The following TACC1 variants were observed in gnomAD, a reference collection of about 807,000 sequenced individuals.
TACC1 encodes transforming acidic coiled-coil-containing protein 1.
In TACC1, 48 loss-of-function variants were observed where a neutral mutation model predicts 84.4. The ratio of observed to expected loss-of-function variants is 0.57; its 90% CI spans 0.45 to 0.72. The LOEUF (loss-of-function observed/expected upper bound fraction) is 0.72. Among genes scored for constraint, TACC1 ranks in the 30% least tolerant of loss-of-function variants. TACC1 has a pLI of 0.00. For missense variants in TACC1, 920 were observed against 973.0 expected (o/e 0.95, Z 0.72); for synonymous variants, 372 against 376.3 (o/e 0.99, Z 0.13).
chr8:38,843,915 T>C (rs1022004048), intron 11 of TACC1, among the ~76,000 whole-genome samples: 1 of 152,212 alleles, frequency 6.6e-6, no homozygotes, highest in Non-Finnish European at 1.5e-5. Flanking sequence ...CTGTGAGTTA[T>C]CTTTATGATC....
In TACC1 at chr8:38,788,836, AT is replaced by A; in HGVS notation, c.277+22del. 6.4e-7 allele frequency: 1 copy of A among 1,570,772 alleles called. No individual in the cohort carries two copies. Among genetic ancestry groups the A allele is most frequent in the African/African-American group, 1.4e-5 (1 of 73,282 alleles). On this transcript the variant is annotated intron_variant, in intron 2 of 12. Transcript: ENST00000317827. The stretch of plus-strand genomic sequence containing the variant: ...AAAGCCAAGGTAAAGAAAAACTTGC[AT>A]TTTTCCTGCCTGTTTTGTTTCAAAA...
At chr8:38,804,870 T>G (rs1822309931) in intron 2 of TACC1, among the ~76,000 whole-genome samples, 1 of 152,204 alleles carries the variant, frequency 6.6e-6, no homozygotes. Context: ...CCCAACTGTC[T>G]ACAGTTTATG....
chr8:38,786,883 G>A (rs1052006290), upstream of TACC1, among the ~76,000 whole-genome samples: 1 of 151,768 alleles, frequency 6.6e-6, no homozygotes, highest in African/African-American at 2.4e-5. Context: ...CACCATCGCC[G>A]TGAAGTCACA....
chr8:38,729,591 G>C (rs575901707), intron 1 of TACC1, among the ~76,000 whole-genome samples: 1 of 152,134 alleles, frequency 6.6e-6, no homozygotes, highest in African/African-American at 2.4e-5. Context: ...TTGTGTGGCC[G>C]GGCGCGGTGG....
chr8:38,731,770 A>AACAACAACAAC (rs1241709345), intron 1 of TACC1, among the ~76,000 whole-genome samples: 2 of 107,060 alleles, frequency 1.9e-5, no homozygotes, highest in African/African-American at 6.6e-5. Flanking sequence ...ACAACAACAA[A>AACAACAACAAC]ACTAGTCTTT....
At chr8:38,824,257 G>A (rs1036367377) in intron 3 of TACC1, among the ~76,000 whole-genome samples, 3 of 152,208 alleles carry the variant, frequency 2.0e-5, no homozygotes. Flanking sequence ...GCACTCCCTG[G>A]CTTGGCAGGT....
chr8:38,849,543 A>G lies in TACC1; in HGVS notation c.*1520A>G, dbSNP rs937856423. 2.6e-5 allele frequency: 4 copies of G among 152,224 alleles called. No individual in the cohort carries two copies. The highest frequency in any genetic ancestry group is 5.9e-5 in the Non-Finnish European group (4 of 68,036). 9.4% of individuals were successfully genotyped at this position (152,224 alleles called of 1,614,324 possible). ...TCTTGTAAAACTGTTGCATGATCCA[A>G]CTTCAGCAATGAATTGTGCCTAGTG... On this transcript the variant is annotated 3_prime_UTR_variant, in exon 13 of 13. Coordinates refer to ENST00000317827, the MANE Select transcript of TACC1 (RefSeq NM_006283.3).
intron 1 of TACC1, among the ~76,000 whole-genome samples, chr8:38,734,606 G>C (rs1412578233): frequency 6.6e-6 from 1 of 152,218 alleles, no homozygotes; most frequent in African/African-American, 2.4e-5. Flanking sequence ...GGAGGGCTTG[G>C]TATGTTTATT....
intron 6 of TACC1, among the ~76,000 whole-genome samples, chr8:38,834,286 G>A (rs746490537): frequency 2.0e-5 from 3 of 152,330 alleles, no homozygotes; most frequent in Non-Finnish European, 2.9e-5. Context: ...CAGAGACATC[G>A]GCTCCTTGCC....
At position 38,790,786 on chromosome 8, in the gene TACC1, A is replaced by G. The variant is rs77224752; in HGVS notation, c.277+1967A>G. On this transcript the variant is annotated intron_variant, in intron 2 of 12. Transcript: ENST00000317827. ...TGATAGCTCCATGCTGTGCTTACCCAGCTGAGAATTCAGCAATACCCTCAA... is the reference window on the plus strand; with the variant it reads ...TGATAGCTCCATGCTGTGCTTACCCGGCTGAGAATTCAGCAATACCCTCAA... Among the ~76,000 whole-genome samples the G allele has an allele frequency of 2.2e-3, 332 of 152,350 alleles. 12 individuals carry two copies. In the East Asian group the frequency reaches 0.058, roughly 27 times the overall value.
chr8:38,777,859 T>TGA (rs1362113117), intron 3 of TACC1, among the ~76,000 whole-genome samples: 2 of 152,072 alleles, frequency 1.3e-5, no homozygotes, highest in South Asian at 4.1e-4. Flanking sequence ...ATCCCATGGG[T>TGA]GAGAACTGAG....
intron 2 of TACC1, chr8:38,799,623 A>G (rs554210288): frequency 1.3e-5 from 2 of 152,376 alleles, no homozygotes; most frequent in East Asian, 1.9e-4. Context: ...CCCCCTGCCC[A>G]CAAAGTAAAA....
intron 5 of TACC1, among the ~76,000 whole-genome samples, chr8:38,829,188 T>C (rs868799446): frequency 9.2e-5 from 14 of 152,202 alleles, no homozygotes; most frequent in Non-Finnish European, 1.6e-4. Flanking sequence ...CATGGGCTTT[T>C]ATGTATAGAA....
chr8:38,821,494 G>A (rs552894769), intron 3 of TACC1, among the ~76,000 whole-genome samples: 46 of 152,254 alleles, frequency 3.0e-4, no homozygotes, highest in African/African-American at 9.6e-4. Context: ...GAGAATTCTT[G>A]TCTCCATGTG....
chr8:38,812,329 T>TA (rs760713660), intron 2 of TACC1, among the ~76,000 whole-genome samples: 33 of 152,222 alleles, frequency 2.2e-4, no homozygotes, highest in Non-Finnish European at 4.1e-4. Flanking sequence ...AAATCCTTAA[T>TA]AAAAACATGC....
chr8:38,825,011 C>T (rs1031827443), intron 3 of TACC1, among the ~76,000 whole-genome samples: 10 of 152,086 alleles, frequency 6.6e-5, no homozygotes, highest in Admixed American at 2.0e-4. Flanking sequence ...CTTTTGGTGG[C>T]GTGTAATTAA....
chr8:38,756,384 G>C (rs1196114977), intron 3 of TACC1, among the ~76,000 whole-genome samples: 4 of 152,110 alleles, frequency 2.6e-5, no homozygotes, highest in Admixed American at 6.5e-5. Flanking sequence ...TCATAGAAGG[G>C]AGGTTTGGAG....
chr8:38,848,074 G>T lies in TACC1; in HGVS notation c.*51G>T. 6.5e-7 allele frequency: 1 copy of T among 1,540,310 alleles called. No individual in the cohort carries two copies. The highest frequency in any genetic ancestry group is 1.2e-5 in the South Asian group (1 of 85,982). ...ATCTGCATTTGGCTGCTTCTCTTGT[G>T]ACCACAATTATCTTGCCTTATCCAG... On this transcript the variant is annotated 3_prime_UTR_variant, in exon 13 of 13. Transcript: ENST00000317827.
intron 11 of TACC1, chr8:38,846,481 G>GC (rs1832321429): frequency 2.3e-6 from 1 of 443,650 alleles, no homozygotes; most frequent in African/African-American, 2.0e-5. Flanking sequence ...GAAACCATTT[G>GC]CTAGTGAGAT....
Sources: allele counts gnomAD v4.1 joint callset (sites outside exome capture counted in the v4.1 genomes callset), GRCh38; gene constraint gnomAD v4.1.1; transcripts MANE v1.5; gene names NCBI Gene and HGNC (gene_info 2026-07-23, HGNC 2026-07-21).